The following NEK10 variants were observed in gnomAD, a reference collection of about 807,000 sequenced individuals.
The protein encoded by NEK10 is serine/threonine-protein kinase Nek10.
A neutral mutation model predicts 159.8 loss-of-function variants in NEK10; 122 were observed. That is an observed-to-expected ratio of 0.76 (90% confidence interval 0.66 to 0.89). The LOEUF (loss-of-function observed/expected upper bound fraction) is 0.89. NEK10 is among the 40% of genes least tolerant of loss of function. The probability of loss-of-function intolerance (pLI) is 0.00; values close to 1 mark genes in which losing one functional copy is unlikely to be tolerated. For synonymous variants in NEK10, 466 were observed against 457.1 expected (o/e 1.02, Z -0.25); for missense variants, 1,342 against 1,323.1 (o/e 1.01, Z -0.22).
chr3:27,162,689 A>G lies in NEK10; in HGVS notation c.2869+12T>C. 6.2e-7 allele frequency: 1 copy of G among 1,614,080 alleles called. No homozygotes were observed. The highest frequency in any genetic ancestry group is 1.3e-5 in the African/African-American group (1 of 75,022). Reference sequence around the variant, plus strand: ...GTTGTGTTTGATTTTATTGCTACCAACACTAAGTTACCTGGTCTTGGTCTT... The same window carrying G: ...GTTGTGTTTGATTTTATTGCTACCAGCACTAAGTTACCTGGTCTTGGTCTT... On this transcript the variant is annotated intron_variant, in intron 30 of 35. Transcript: ENST00000691995.
In NEK10 at chr3:27,126,120, T is replaced by G. The variant is rs147809729; in HGVS notation, c.3081+5760A>C. ...GCATAAAGAGCCGTTAATTCAAGTC[T>G]GAGCACCTAAGCAATCTGCCTACTT... On this transcript the variant is annotated intron_variant, in intron 32 of 35. Coordinates refer to ENST00000691995, the MANE Select transcript of NEK10 (RefSeq NM_001394966.1). Among the ~76,000 whole-genome samples the G allele has an allele frequency of 4.6e-3, 703 of 152,306 alleles. 5 individuals carry two copies. The highest frequency in any genetic ancestry group is 0.016 in the African/African-American group (667 of 41,568).
chr3:27,152,613 C>A (rs2148753785), intron 30 of NEK10, among the ~76,000 whole-genome samples: 1 of 150,124 alleles, frequency 6.7e-6, no homozygotes, highest in South Asian at 2.1e-4. Flanking sequence ...AAAAAAAAAA[C>A]AAAAGTACAC....
intron 1 of NEK10, among the ~76,000 whole-genome samples, chr3:27,361,171 C>T (rs1377666508): frequency 6.6e-6 from 1 of 152,132 alleles, no homozygotes; most frequent in African/African-American, 2.4e-5. Context: ...ATTCTCATTC[C>T]AACTTATATC....
chr3:27,279,784 G>T (rs2042017696), intron 22 of NEK10, among the ~76,000 whole-genome samples: 1 of 152,110 alleles, frequency 6.6e-6, no homozygotes, highest in South Asian at 2.1e-4. Flanking sequence ...GTGTCTGAAG[G>T]CTGCTAGCCT....
chr3:27,325,109 G>A (rs968796423), intron 5 of NEK10, among the ~76,000 whole-genome samples: 6 of 152,234 alleles, frequency 3.9e-5, no homozygotes, highest in African/African-American at 1.4e-4. Flanking sequence ...CTCCTGAGGT[G>A]AGAAAGAGAG....
At chr3:27,308,019 T>C (rs567936557) in intron 10 of NEK10, 74 bp from the exon 11 acceptor site, 1 of 754,016 alleles carries the variant, frequency 1.3e-6, no homozygotes, top group Admixed American at 2.1e-5. Context: ...TTTTTCAAAC[T>C]GGTATAAAGA....
At chr3:27,273,677 T>C (rs982260598) in intron 22 of NEK10, among the ~76,000 whole-genome samples, 2 of 152,206 alleles carry the variant, frequency 1.3e-5, no homozygotes, top group African/African-American at 4.8e-5. Flanking sequence ...AAATGATTAT[T>C]TGAAACCTCT....
chr3:27,281,013 A>C (rs867341817), intron 22 of NEK10, among the ~76,000 whole-genome samples: 2 of 151,840 alleles, frequency 1.3e-5, no homozygotes, highest in African/African-American at 4.8e-5. Flanking sequence ...AAAAAAGTCT[A>C]TATTACCCTG....
At chr3:27,182,770 T>G (rs1948248082) in intron 26 of NEK10, among the ~76,000 whole-genome samples, 1 of 152,114 alleles carries the variant, frequency 6.6e-6, no homozygotes, top group Non-Finnish European at 1.5e-5. Flanking sequence ...CTCTTGTCAT[T>G]TTCAACAACA....
intron 25 of NEK10, 80 bp from the exon 26 acceptor site, chr3:27,192,322 T>C: frequency 1.0e-6 from 1 of 985,606 alleles, no homozygotes; most frequent in Non-Finnish European, 1.6e-6. Context: ...AAGGTTAAAC[T>C]CCACTGTGTG....
intron 23 of NEK10, among the ~76,000 whole-genome samples, chr3:27,249,729 T>C (rs1955461143): frequency 6.6e-6 from 1 of 152,208 alleles, no homozygotes; most frequent in Non-Finnish European, 1.5e-5. Context: ...ATGTTATTAT[T>C]GATAAGTAAG....
intron 29 of NEK10, among the ~76,000 whole-genome samples, chr3:27,167,561 C>G (rs1045223644): frequency 3.9e-5 from 6 of 152,148 alleles, no homozygotes; most frequent in South Asian, 4.1e-4. Context: ...AAATAACATG[C>G]TATGACTTGC....
intron 31 of NEK10, among the ~76,000 whole-genome samples, chr3:27,139,474 T>C (rs1943562626): frequency 6.6e-6 from 1 of 152,092 alleles, no homozygotes; most frequent in African/African-American, 2.4e-5. Context: ...CAGTATGAAA[T>C]AGGAAAAGAA....
intron 23 of NEK10, among the ~76,000 whole-genome samples, chr3:27,227,788 G>A (rs536805845): frequency 1.3e-5 from 2 of 152,322 alleles, no homozygotes; most frequent in African/African-American, 4.8e-5. Flanking sequence ...TTTTCTAATT[G>A]TACATAAACA....
intron 23 of NEK10, among the ~76,000 whole-genome samples, chr3:27,235,569 T>G (rs1458246025): frequency 1.3e-5 from 2 of 152,180 alleles, no homozygotes; most frequent in Non-Finnish European, 2.9e-5. Flanking sequence ...AGATGTCATC[T>G]CACGCCCATC....
intron 26 of NEK10, among the ~76,000 whole-genome samples, chr3:27,186,741 T>A (rs954005318): frequency 6.6e-6 from 1 of 152,184 alleles, no homozygotes; most frequent in African/African-American, 2.4e-5. Flanking sequence ...AGTAAATACT[T>A]GTTGAATGAA....
chr3:27,228,416 A>C (rs1489016896), intron 23 of NEK10, among the ~76,000 whole-genome samples: 1 of 152,098 alleles, frequency 6.6e-6, no homozygotes, highest in South Asian at 2.1e-4. Flanking sequence ...CTATTTTCTC[A>C]GTGGTCCAAA....
chr3:27,195,015 C>CATGAGCA (rs1949442812), intron 25 of NEK10, among the ~76,000 whole-genome samples: 2 of 152,032 alleles, frequency 1.3e-5, no homozygotes, highest in Non-Finnish European at 2.9e-5. Context: ...GCTTGTATAC[C>CATGAGCA]ACATGAGCAA....
chr3:27,130,124 G>A (rs1045212704), intron 32 of NEK10, among the ~76,000 whole-genome samples: 3 of 151,948 alleles, frequency 2.0e-5, no homozygotes, highest in Non-Finnish European at 4.4e-5. Flanking sequence ...GCAATATATA[G>A]GGCCTTTCCC....
Sources: allele counts gnomAD v4.1 joint callset (sites outside exome capture counted in the v4.1 genomes callset), GRCh38; gene constraint gnomAD v4.1.1; transcripts MANE v1.5; gene names NCBI Gene and HGNC (gene_info 2026-07-23, HGNC 2026-07-21).